The following RBFOX1 variants were observed in gnomAD, a reference collection of about 807,000 sequenced individuals.
The protein encoded by RBFOX1 is RNA binding fox-1 homolog 1, also known as RNA binding protein fox-1 homolog 1.
Under a neutral mutation model 57.7 loss-of-function variants are expected in RBFOX1, and 8 were observed. That is an observed-to-expected ratio of 0.14 (90% confidence interval 0.08 to 0.25). The LOEUF (loss-of-function observed/expected upper bound fraction) is 0.25. Among genes scored for constraint, RBFOX1 ranks in the 10% least tolerant of loss-of-function variants. The probability of loss-of-function intolerance (pLI) is 1.00; values close to 1 mark genes in which losing one functional copy is unlikely to be tolerated. For synonymous variants in RBFOX1, 326 were observed against 222.4 expected, an observed-to-expected ratio of 1.47 and a Z score of -4.15; for missense variants, 611 against 548.5, an observed-to-expected ratio of 1.11 and a Z score of -1.14.
intron 2 of RBFOX1, among the ~76,000 whole-genome samples, chr16:6,587,534 G>A (rs1339490028): frequency 2.6e-5 from 4 of 152,076 alleles, no homozygotes; most frequent in Non-Finnish European, 4.4e-5. Flanking sequence ...CACCTGCCTC[G>A]GCCTCTGAAA....
intron 3 of RBFOX1, among the ~76,000 whole-genome samples, chr16:5,615,415 G>T (rs2047985177): frequency 1.3e-5 from 2 of 152,162 alleles, no homozygotes; most frequent in South Asian, 4.1e-4. Context: ...AAGAGTGAGT[G>T]GTGTGTACTG....
chr16:6,284,851 C>T (rs1316045874), intron 1 of RBFOX1, among the ~76,000 whole-genome samples: 2 of 152,116 alleles, frequency 1.3e-5, no homozygotes, highest in African/African-American at 4.8e-5. Context: ...GCATGGAGAA[C>T]ACATTGTTCT....
chr16:5,789,936 A>AC lies in RBFOX1; in HGVS notation c.319-77367_319-77366insC, dbSNP rs560653850. 1.6e-4 allele frequency among the ~76,000 whole-genome samples: 25 copies of AC among 152,328 alleles called. No individual in the cohort carries two copies. The East Asian group carries it at 4.3e-3, about 26-fold the overall frequency. ...GTGTATGGGCTGTGCTAGCTGCGGC[A>AC]ATGGTGGCTGCTATAACAGATAGAC... On this transcript the variant is annotated intron_variant, in intron 3 of 19. Coordinates refer to the RBFOX1 transcript ENST00000641259.
rs2095043882 is a variant in RBFOX1, at chr16:7,601,879, T to A, written c.622+4448T>A. Among the ~76,000 whole-genome samples the A allele has an allele frequency of 9.2e-5, 14 of 152,310 alleles. 1 individual carries two copies. The South Asian group carries it at 2.9e-3, about 32-fold the overall frequency. On this transcript the variant is annotated intron_variant, in intron 9 of 15. Transcript: ENST00000550418. ...AATTTTGGCAATAAATACACGCCGTTAAAGAATATTCAGTGAACCCAAACA... is the reference window on the plus strand; with the variant it reads ...AATTTTGGCAATAAATACACGCCGTAAAAGAATATTCAGTGAACCCAAACA...
intron 3 of RBFOX1, among the ~76,000 whole-genome samples, chr16:6,665,395 C>A (rs1033492888): frequency 6.6e-6 from 1 of 152,126 alleles, no homozygotes; most frequent in Non-Finnish European, 1.5e-5. Flanking sequence ...GGGTGGATTA[C>A]CTGAGGTCAA....
At chr16:6,140,244 T>G (rs1465224593) in intron 1 of RBFOX1, among the ~76,000 whole-genome samples, 1 of 151,286 alleles carries the variant, frequency 6.6e-6, no homozygotes, top group African/African-American at 2.4e-5. Context: ...CAGGCTGGAG[T>G]GCAGTGACTC....
intron 3 of RBFOX1, among the ~76,000 whole-genome samples, chr16:6,726,602 C>T (rs1408098580): frequency 6.6e-6 from 1 of 152,034 alleles, no homozygotes; most frequent in Non-Finnish European, 1.5e-5. Context: ...CTTTCCTGGT[C>T]ATATTCTATC....
intron 3 of RBFOX1, among the ~76,000 whole-genome samples, chr16:6,899,946 A>G (rs540592252): frequency 2.6e-5 from 4 of 152,264 alleles, no homozygotes; most frequent in African/African-American, 9.6e-5. Flanking sequence ...GTTTAGTCTT[A>G]ATAGCTGGGT....
At chr16:6,011,302 A>C (rs984833802) in intron 4 of RBFOX1, among the ~76,000 whole-genome samples, 1 of 152,102 alleles carries the variant, frequency 6.6e-6, no homozygotes, top group African/African-American at 2.4e-5. Context: ...TTGACTTTAG[A>C]TGGAGCTATT....
chr16:6,963,266 C>T (rs931964193), intron 3 of RBFOX1, among the ~76,000 whole-genome samples: 7 of 152,032 alleles, frequency 4.6e-5, no homozygotes, highest in Admixed American at 3.3e-4. Context: ...GCTAGCCCAT[C>T]TTAGGGTCTT....
chr16:6,939,502 C>CT (rs1555651191), intron 3 of RBFOX1, among the ~76,000 whole-genome samples: 1 of 112,768 alleles, frequency 8.9e-6, no homozygotes, highest in African/African-American at 5.5e-5. Context: ...CAGAATTTTT[C>CT]TTTCTTTTTT....
intron 3 of RBFOX1, among the ~76,000 whole-genome samples, chr16:6,848,030 C>T (rs574318792): frequency 2.0e-5 from 3 of 152,182 alleles, no homozygotes; most frequent in South Asian, 2.1e-4. Context: ...CGGGGTCTTA[C>T]CATGTTGGCC....
At chr16:5,450,921 G>A (rs1371493048) in intron 1 of RBFOX1, among the ~76,000 whole-genome samples, 1 of 152,220 alleles carries the variant, frequency 6.6e-6, no homozygotes, top group African/African-American at 2.4e-5. Flanking sequence ...GCAAGCTCAA[G>A]GGTAAGCTTG....
At chr16:5,610,219 C>G (rs2047726300) in intron 3 of RBFOX1, 1 of 152,296 alleles carries the variant, frequency 6.6e-6, no homozygotes, top group Non-Finnish European at 1.5e-5. Context: ...TCCCCAGCAC[C>G]TATGCCTGTG....
intron 2 of RBFOX1, among the ~76,000 whole-genome samples, chr16:6,578,689 CAG>C (rs1167257947): frequency 4.7e-5 from 7 of 149,344 alleles, no homozygotes; most frequent in African/African-American, 7.3e-5. Flanking sequence ...GAGAGAGAAA[CAG>C]AGAGTGAAGA....
At chr16:6,440,163 T>G (rs887587594) in intron 2 of RBFOX1, among the ~76,000 whole-genome samples, 3 of 151,878 alleles carry the variant, frequency 2.0e-5, no homozygotes, top group Non-Finnish European at 2.9e-5. Context: ...TCTTGAACTC[T>G]TGACCTCGTG....
At chr16:5,881,638 C>G (rs1192977286) in intron 4 of RBFOX1, among the ~76,000 whole-genome samples, 2 of 152,036 alleles carry the variant, frequency 1.3e-5, no homozygotes, top group African/African-American at 2.4e-5. Context: ...CAAAATTGTA[C>G]CGCTGCACTC....
At chr16:5,991,170 C>T (rs957398100) in intron 4 of RBFOX1, among the ~76,000 whole-genome samples, 2 of 152,142 alleles carry the variant, frequency 1.3e-5, no homozygotes, top group Admixed American at 6.5e-5. Context: ...ACATACAATG[C>T]GTTGTATTCA....
chr16:6,736,025 A>AG (rs1568403601), intron 3 of RBFOX1, among the ~76,000 whole-genome samples: 1 of 145,304 alleles, frequency 6.9e-6, no homozygotes, highest in Non-Finnish European at 1.5e-5. Context: ...AAAGGGATTT[A>AG]GAATTTTCAG....
Sources: gnomAD v4.1 joint callset for allele counts (sites outside exome capture counted in the v4.1 genomes callset) on GRCh38, gnomAD v4.1.1 for gene constraint, MANE v1.5 for transcripts, NCBI Gene and HGNC (gene_info 2026-07-23, HGNC 2026-07-21) for gene names.